The following UGT1A9 variants were observed in gnomAD, a reference collection of about 807,000 sequenced individuals.
UGT1A9 encodes UDP glucuronosyltransferase family 1 member A9.
In UGT1A9, 35 loss-of-function variants were observed where a neutral mutation model predicts 45.0. The ratio of observed to expected loss-of-function variants is 0.78; its 90% confidence interval spans 0.59 to 1.03. The LOEUF (loss-of-function observed/expected upper bound fraction) is 1.03. Among genes scored for constraint, UGT1A9 ranks in the 50% least tolerant of loss-of-function variants. The probability of loss-of-function intolerance (pLI) is 0.00; values close to 1 mark genes in which losing one functional copy is unlikely to be tolerated. For synonymous variants in UGT1A9, 278 were observed against 250.6 expected (o/e 1.11, Z -1.03); for missense variants, 687 against 666.6 (o/e 1.03, Z -0.34).
intron 1 of UGT1A9, chr2:233,713,942 C>T (rs2076357751): frequency 6.2e-7 from 1 of 1,610,038 alleles, no homozygotes; most frequent in Non-Finnish European, 8.5e-7. Context: ...GCTTCCATAT[C>T]TACTTATCTT....
chr2:233,739,953 G>A (rs1339008674), intron 1 of UGT1A9, among the ~76,000 whole-genome samples: 1 of 151,912 alleles, frequency 6.6e-6, no homozygotes, highest in Non-Finnish European at 1.5e-5. Context: ...CCTGGTGGGA[G>A]CTGATTGAAT....
At chr2:233,746,173 T>C (rs1289105015) in intron 1 of UGT1A9, among the ~76,000 whole-genome samples, 1 of 151,822 alleles carries the variant, frequency 6.6e-6, no homozygotes, top group Non-Finnish European at 1.5e-5. Context: ...AAATCTTGCC[T>C]GTAAGGAATA....
intron 1 of UGT1A9, among the ~76,000 whole-genome samples, chr2:233,712,803 C>G (rs2076255861): frequency 6.6e-6 from 1 of 152,168 alleles, no homozygotes; most frequent in African/African-American, 2.4e-5. Context: ...TCGGTCTTTC[C>G]CAGGGTGGGG....
intron 1 of UGT1A9, among the ~76,000 whole-genome samples, chr2:233,717,069 ACGTAAC>A (rs1446904870): frequency 6.6e-6 from 1 of 152,152 alleles, no homozygotes. Flanking sequence ...AGTGCCAGAC[ACGTAAC>A]CAGAAATCAG....
chr2:233,731,416 C>G (rs1172446293), intron 1 of UGT1A9, among the ~76,000 whole-genome samples: 1 of 151,828 alleles, frequency 6.6e-6, no homozygotes, highest in Admixed American at 6.6e-5. Flanking sequence ...GGTATTTTTC[C>G]TAATGCCATC....
rs950198102 is a variant in UGT1A9 at position 233,769,900 on chromosome 2, C to G, written c.1295+1461C>G. ...TGAAAAGTCCACATAACCTGAGCAT[C>G]ATGTGCCCAGAGCGTTGGGTGGTGT... is the stretch of plus-strand genomic sequence containing the variant. On this transcript the variant is annotated intron_variant, in intron 4 of 4. Transcript: ENST00000354728. The surrounding 1 kb of genome is among the most constrained non-coding windows in gnomAD (Gnocchi z 4.4). 3.8e-5 allele frequency: 13 copies of G among 342,836 alleles called. No individual in the cohort carries two copies. The highest frequency in any genetic ancestry group is 6.8e-5 in the Non-Finnish European group (13 of 189,812). 21.2% of individuals were successfully genotyped at this position (342,836 alleles called of 1,614,324 possible). A position where few individuals can be genotyped will look rare whatever the true frequency, so the allele number is the denominator to read the frequency against.
intron 1 of UGT1A9, chr2:233,719,052 A>G (rs200903552): frequency 2.5e-6 from 4 of 1,614,270 alleles, no homozygotes; most frequent in African/African-American, 1.3e-5. Context: ...TTTCACCCTG[A>G]CAGCCTATGC....
intron 1 of UGT1A9, among the ~76,000 whole-genome samples, chr2:233,721,183 C>G (rs1370349767): frequency 6.6e-6 from 1 of 152,146 alleles, no homozygotes; most frequent in East Asian, 1.9e-4. Flanking sequence ...GATCAAACCA[C>G]AAGATATTTG....
chr2:233,695,903 T>G (rs1451387957), intron 1 of UGT1A9, among the ~76,000 whole-genome samples: 4 of 151,844 alleles, frequency 2.6e-5, no homozygotes, highest in African/African-American at 4.8e-5. Flanking sequence ...ATGTGTGGGG[T>G]TTTTTTTCTC....
chr2:233,747,276 T>G (rs1693607556), intron 1 of UGT1A9: 6 of 1,598,748 alleles, frequency 3.8e-6, no homozygotes, highest in Non-Finnish European at 5.1e-6. Flanking sequence ...TCCTTCTCAG[T>G]GCCCAGCCCT....
In UGT1A9 at chr2:233,767,864, A is replaced by T; in HGVS notation, c.1003A>T (p.Thr335Ser). The change falls in exon 3 of 5, where the codon ACT (threonine) becomes TCT (serine). Residue 335 changes from threonine to serine, a missense_variant. Thr to Ser is a moderately conservative substitution (Grantham distance 58). Coordinates refer to ENST00000354728, the MANE Select transcript of UGT1A9 (RefSeq NM_021027.3). The part of the protein sequence containing the change: ...KIPQTVLWRY[T>S]GTRPSNLANN... Reference sequence around the variant, plus strand: ...CCCCTCCCAGGTCCTGTGGCGGTACACTGGAACCCGACCATCGAATCTTGC... The same window carrying T: ...CCCCTCCCAGGTCCTGTGGCGGTACTCTGGAACCCGACCATCGAATCTTGC... 1 of 1,614,144 alleles carries T rather than the reference A, an allele frequency of 6.2e-7. No individual in the cohort carries two copies. Among genetic ancestry groups the T allele is most frequent in the Non-Finnish European group, 8.5e-7 (1 of 1,180,042 alleles).
intron 1 of UGT1A9, among the ~76,000 whole-genome samples, chr2:233,675,014 T>C (rs2074305264): frequency 6.6e-6 from 1 of 152,200 alleles, no homozygotes; most frequent in Admixed American, 6.5e-5. Flanking sequence ...CATTACTTGA[T>C]GATGGAGTAT....
chr2:233,695,617 T>G (rs1477124343), intron 1 of UGT1A9, among the ~76,000 whole-genome samples: 1 of 152,064 alleles, frequency 6.6e-6, no homozygotes, highest in Non-Finnish European at 1.5e-5. Context: ...CAATGAACTC[T>G]CTACCTCCAT....
chr2:233,713,508 T>C, intron 1 of UGT1A9: 2 of 1,613,988 alleles, frequency 1.2e-6, no homozygotes, highest in South Asian at 2.2e-5. Context: ...TGTGTTTTTC[T>C]TGAGGAACAT....
chr2:233,674,118 C>T (rs2074274069), intron 1 of UGT1A9, among the ~76,000 whole-genome samples: 1 of 152,134 alleles, frequency 6.6e-6, no homozygotes, highest in Admixed American at 6.6e-5. Flanking sequence ...TACAATTTAT[C>T]TATTGTTCTG....
chr2:233,726,029 G>A (rs1318137671), intron 1 of UGT1A9, among the ~76,000 whole-genome samples: 1 of 152,112 alleles, frequency 6.6e-6, no homozygotes, highest in Non-Finnish European at 1.5e-5. Flanking sequence ...ATCCAGGTGT[G>A]ATGGCGCACA....
chr2:233,716,592 A>T (rs953588234), intron 1 of UGT1A9, among the ~76,000 whole-genome samples: 3 of 152,124 alleles, frequency 2.0e-5, no homozygotes, highest in African/African-American at 7.2e-5. Context: ...AAAGAGCAAA[A>T]ATTTTAGAAT....
intron 1 of UGT1A9, chr2:233,717,942 G>C (rs1357400143): frequency 2.2e-6 from 1 of 453,616 alleles, no homozygotes; most frequent in Non-Finnish European, 4.4e-6. Flanking sequence ...TCTCTATGCA[G>C]ACTTGCAGAA....
intron 1 of UGT1A9, among the ~76,000 whole-genome samples, chr2:233,709,128 A>C (rs2125614330): frequency 6.6e-6 from 1 of 152,218 alleles, no homozygotes; most frequent in East Asian, 1.9e-4. Context: ...CATGGTGGCC[A>C]AGGGGATGAG....
Sources: allele counts gnomAD v4.1 joint callset (sites outside exome capture counted in the v4.1 genomes callset), GRCh38; gene constraint gnomAD v4.1.1; non-coding constraint Gnocchi (gnomAD v3.1); transcripts MANE v1.5; gene names NCBI Gene and HGNC (gene_info 2026-07-23, HGNC 2026-07-21).